FRMD4B: variants seen among roughly 807,000 people sequenced by gnomAD.
The protein encoded by FRMD4B is FERM domain-containing protein 4B.
In FRMD4B, 74 loss-of-function variants were observed where a neutral mutation model predicts 141.5. That is an observed-to-expected ratio of 0.52 (90% CI 0.43 to 0.63). The LOEUF (loss-of-function observed/expected upper bound fraction) is 0.63, where lower values mean the gene tolerates loss of function less well. Among genes scored for constraint, FRMD4B ranks in the 30% least tolerant of loss-of-function variants. The probability of loss-of-function intolerance (pLI) is 0.00; values close to 1 mark genes in which losing one functional copy is unlikely to be tolerated. For missense variants in FRMD4B, 1,366 were observed against 1,253.4 expected (o/e 1.09, Z -1.36); for synonymous variants, 506 against 467.9 (o/e 1.08, Z -1.05).
chr3:69,455,754 A>T (rs903729026), intron 1 of FRMD4B, among the ~76,000 whole-genome samples: 1 of 152,218 alleles, frequency 6.6e-6, no homozygotes, highest in Admixed American at 6.5e-5. Context: ...AATTTTATGC[A>T]ACACTTTGTA....
At chr3:69,291,400 T>TA (rs1019649614) in intron 4 of FRMD4B, among the ~76,000 whole-genome samples, 7 of 151,914 alleles carry the variant, frequency 4.6e-5, no homozygotes, top group East Asian at 1.9e-4. Context: ...CCAAAACTTA[T>TA]AAAAAAAAGA....
At chr3:69,250,230 A>C in intron 5 of FRMD4B, 131 bp from the exon 6 acceptor site, 1 of 737,574 alleles carries the variant, frequency 1.4e-6, no homozygotes, top group Middle Eastern at 2.5e-4. Flanking sequence ...ATACCATTGC[A>C]GGGGAAAGTG....
At chr3:69,466,363 T>C (rs1705786633) in intron 1 of FRMD4B, among the ~76,000 whole-genome samples, 1 of 152,196 alleles carries the variant, frequency 6.6e-6, no homozygotes, top group Non-Finnish European at 1.5e-5. Flanking sequence ...CTGATGATAG[T>C]TTCTTTTGCT....
At chr3:69,394,400 T>A (rs1193034426) in intron 2 of FRMD4B, among the ~76,000 whole-genome samples, 1 of 152,252 alleles carries the variant, frequency 6.6e-6, no homozygotes, top group Non-Finnish European at 1.5e-5. Flanking sequence ...ATAGCGGGCA[T>A]GGATGGTTCT....
At chr3:69,301,891 T>C (rs977936117) in intron 4 of FRMD4B, among the ~76,000 whole-genome samples, 3 of 152,224 alleles carry the variant, frequency 2.0e-5, no homozygotes. Context: ...TTATCCTCTA[T>C]TCAAATTAAG....
chr3:69,509,860 A>G (rs941077515), intron 1 of FRMD4B, among the ~76,000 whole-genome samples: 1 of 151,862 alleles, frequency 6.6e-6, no homozygotes, highest in African/African-American at 2.4e-5. Flanking sequence ...GTAAAATTTG[A>G]TACTAAAGCG....
Position 69,503,137 on chromosome 3 carries a change from A to G in FRMD4B, c.-129+39069T>C, listed in dbSNP as rs548965237. Among the ~76,000 whole-genome samples the G allele has an allele frequency of 1.6e-3, 251 of 152,282 alleles. 1 individual carries two copies. The highest frequency in any genetic ancestry group is 5.8e-3 in the African/African-American group (240 of 41,558). On this transcript the variant is annotated intron_variant, in intron 1 of 5. Transcript: ENST00000459638. ...TGGAAGTCAGTGTGGCGATTCCTCA[A>G]GGATCTAGAGCTAGAAATACCATTT...
At chr3:69,498,260 C>T (rs1289963889) in intron 1 of FRMD4B, among the ~76,000 whole-genome samples, 1 of 152,138 alleles carries the variant, frequency 6.6e-6, no homozygotes, top group Non-Finnish European at 1.5e-5. Flanking sequence ...AGCATTTGGA[C>T]AATTTGTTTT....
chr3:69,210,159 C>T (rs1260512682), intron 11 of FRMD4B, among the ~76,000 whole-genome samples: 1 of 152,194 alleles, frequency 6.6e-6, no homozygotes, highest in Non-Finnish European at 1.5e-5. Context: ...TCTTTCTTGG[C>T]ATGATATAAG....
At chr3:69,449,228 C>T (rs10510975) in intron 1 of FRMD4B, among the ~76,000 whole-genome samples, 4,070 of 152,238 alleles carry the variant, frequency 0.027, 146 homozygotes, top group East Asian at 0.098. Context: ...TGCACAACCA[C>T]TAAGTTTAGA....
chr3:69,196,608 G>C, intron 13 of FRMD4B: 1 of 583,570 alleles, frequency 1.7e-6, no homozygotes, highest in South Asian at 2.2e-5. Flanking sequence ...TTTTCTCATG[G>C]TGTGGTTCAG....
At chr3:69,456,254 GA>G (rs916529674) in intron 1 of FRMD4B, among the ~76,000 whole-genome samples, 1 of 151,672 alleles carries the variant, frequency 6.6e-6, no homozygotes, top group African/African-American at 2.4e-5. Context: ...CACAAAGTAA[GA>G]AAAAAAACGC....
At chr3:69,194,043 G>A (rs561331220) in intron 16 of FRMD4B, among the ~76,000 whole-genome samples, 170 bp from the exon 17 acceptor site, 8 of 152,180 alleles carry the variant, frequency 5.3e-5, no homozygotes, top group East Asian at 1.9e-4. Flanking sequence ...TCCTTTACTC[G>A]TCTTAACTTC....
intron 1 of FRMD4B, among the ~76,000 whole-genome samples, chr3:69,383,045 G>A (rs1704154556): frequency 6.7e-6 from 1 of 149,546 alleles, no homozygotes; most frequent in South Asian, 2.2e-4. Flanking sequence ...TTTATTGGAT[G>A]CTTTCTAAAC....
Position 69,399,055 on chromosome 3 carries a change from AT to A in FRMD4B, c.-1+33578del, listed in dbSNP as rs1024316756. Among the ~76,000 whole-genome samples, 113 of 152,256 alleles carry A rather than the reference AT, an allele frequency of 7.4e-4. 1 individual carries two copies. Among genetic ancestry groups the A allele is most frequent in the African/African-American group, 2.6e-3 (107 of 41,544 alleles). On this transcript the variant is annotated intron_variant, in intron 2 of 5. Transcript: ENST00000459638. ...AATTGGATTTAAAGAAAGAAAAAAA[AT>A]TACTTGGAACAAATAAATCTTAAGG...
intron 1 of FRMD4B, among the ~76,000 whole-genome samples, chr3:69,468,820 CT>C (rs1315074140): frequency 2.0e-5 from 3 of 152,166 alleles, no homozygotes; most frequent in Non-Finnish European, 4.4e-5. Context: ...CACCTCTGGA[CT>C]TGCTGTTCTG....
chr3:69,541,789 T>TCCCCCCCCC (rs56146632), intron 1 of FRMD4B, among the ~76,000 whole-genome samples: 3 of 148,304 alleles, frequency 2.0e-5, no homozygotes, highest in East Asian at 2.1e-4. Flanking sequence ...TCCAGGGATT[T>TCCCCCCCCC]CCCCCCCCTC....
chr3:69,228,271 A>G, intron 7 of FRMD4B: 1 of 455,782 alleles, frequency 2.2e-6, no homozygotes, highest in Non-Finnish European at 4.4e-6. Flanking sequence ...ATACTCTACA[A>G]AGCATATCTT....
intron 1 of FRMD4B, chr3:69,535,834 C>T (rs577400104): frequency 9.2e-5 from 43 of 468,278 alleles, no homozygotes; most frequent in African/African-American, 6.8e-4. Flanking sequence ...GGCAGCTGCC[C>T]CTTTAGGAGC....
Sources: allele counts gnomAD v4.1 joint callset (sites outside exome capture counted in the v4.1 genomes callset), GRCh38; gene constraint gnomAD v4.1.1; transcripts MANE v1.5; gene names NCBI Gene and HGNC (gene_info 2026-07-23, HGNC 2026-07-21).